STAMBPL1: variants seen among roughly 807,000 people sequenced by gnomAD.
STAMBPL1 encodes the protein STAM binding protein like 1, also known as AMSH-like protease.
STAMBPL1 carries 44 observed loss-of-function variants against 52.9 expected under a neutral mutation model. The observed-to-expected ratio is 0.83, with a 90% CI of 0.65 to 1.07. The LOEUF (loss-of-function observed/expected upper bound fraction) is 1.07. STAMBPL1 is among the 50% of genes least tolerant of loss of function. The probability of loss-of-function intolerance (pLI) is 0.00; values close to 1 mark genes in which losing one functional copy is unlikely to be tolerated. For synonymous variants in STAMBPL1, 164 were observed against 177.3 expected (o/e 0.92, Z 0.60); for missense variants, 511 against 520.8 (o/e 0.98, Z 0.18).
intron 3 of STAMBPL1, among the ~76,000 whole-genome samples, chr10:88,906,923 C>A (rs569876536): frequency 6.6e-6 from 1 of 152,162 alleles, no homozygotes; most frequent in Non-Finnish European, 1.5e-5. Context: ...TTATGCAATA[C>A]ATTGTTATTA....
intron 1 of STAMBPL1, among the ~76,000 whole-genome samples, chr10:88,886,233 T>G (rs1331108102): frequency 6.6e-6 from 1 of 152,234 alleles, no homozygotes; most frequent in African/African-American, 2.4e-5. Flanking sequence ...ATAGATTTAC[T>G]TTGGAGATGG....
At chr10:88,901,490 T>C (rs1407112889) in intron 1 of STAMBPL1, 166 bp from the exon 2 acceptor site, 1 of 400,808 alleles carries the variant, frequency 2.5e-6, no homozygotes, top group African/African-American at 2.1e-5. Flanking sequence ...ACTTGCAGTT[T>C]TGTATTTTCA....
At chr10:88,909,940 T>C (rs1845175044) in intron 4 of STAMBPL1, among the ~76,000 whole-genome samples, 1 of 152,132 alleles carries the variant, frequency 6.6e-6, no homozygotes. Context: ...TGAAGTATCA[T>C]TTATTATCAT....
Position 88,923,333 on chromosome 10 carries a change from A to AT in STAMBPL1, c.*113dup, listed in dbSNP as rs1845563084. On this transcript the variant is annotated 3_prime_UTR_variant, in exon 11 of 11. Transcript: ENST00000371926. Reference sequence around the variant, plus strand: ...AATGACTGATATTTTATATTTATACATTTTAGATGACAAAGCTTGATATTT... The same window carrying AT: ...AATGACTGATATTTTATATTTATACATTTTTAGATGACAAAGCTTGATATTT... 7.0e-7 allele frequency: 1 copy of AT among 1,421,930 alleles called. No homozygotes were observed. The highest frequency in any genetic ancestry group is 9.2e-7 in the Non-Finnish European group (1 of 1,091,092). 88.1% of individuals were successfully genotyped at this position (1,421,930 alleles called of 1,614,324 possible). A position where few individuals can be genotyped will look rare whatever the true frequency, so the allele number is the denominator to read the frequency against.
chr10:88,910,317 G>A (rs1008159501), intron 4 of STAMBPL1, among the ~76,000 whole-genome samples: 1 of 152,050 alleles, frequency 6.6e-6, no homozygotes, highest in African/African-American at 2.4e-5. Context: ...AAAAGAAGAG[G>A]TAGTTGGACT....
chr10:88,896,248 T>C (rs1436446938), intron 1 of STAMBPL1, among the ~76,000 whole-genome samples: 4 of 152,240 alleles, frequency 2.6e-5, no homozygotes, highest in Non-Finnish European at 5.9e-5. Context: ...CAAATCAATG[T>C]AATCTTTGCT....
intron 1 of STAMBPL1, chr10:88,882,681 C>G (rs532744337): frequency 8.1e-4 from 124 of 152,244 alleles, no homozygotes; most frequent in African/African-American, 2.9e-3. Flanking sequence ...GTGATTCTGT[C>G]TGCTACTATC....
chr10:88,905,507 C>G lies in STAMBPL1; in HGVS notation c.95C>G (p.Ala32Gly), dbSNP rs1264872565. ...CTAAGCCCAGAAGAGCGAGTCCGTG[C>G]CCTAAGCAAGCTTGGTTGTAATATC... is the stretch of plus-strand genomic sequence containing the variant. ...VSLSPEERVR[A>G]LSKLGCNITI... Residue 32 changes from alanine (A) to glycine (G), a missense_variant, in exon 3 of 11, where the codon GCC becomes GGC. This residue lies in a region of STAMBPL1 where 358 missense variants were observed against 343.5 expected (regional missense o/e 1.04). Coordinates refer to ENST00000371926, the MANE Select transcript of STAMBPL1 (RefSeq NM_020799.4). The G allele has an allele frequency of 6.2e-7, 1 of 1,613,976 alleles. No individual in the cohort carries two copies. The highest frequency in any genetic ancestry group is 8.5e-7 in the Non-Finnish European group (1 of 1,179,994).
intron 4 of STAMBPL1, among the ~76,000 whole-genome samples, chr10:88,909,890 C>T (rs533826064): frequency 5.3e-5 from 8 of 152,202 alleles, no homozygotes; most frequent in African/African-American, 7.2e-5. Flanking sequence ...TGTGAGCCAC[C>T]GCACCCAGCC....
intron 1 of STAMBPL1, among the ~76,000 whole-genome samples, chr10:88,900,045 A>G (rs535467519): frequency 2.6e-5 from 4 of 152,274 alleles, no homozygotes; most frequent in Middle Eastern, 6.8e-3. Flanking sequence ...GTGATGAACC[A>G]TGTTTTTTCT....
rs371730681 is a variant in STAMBPL1, at chr10:88,913,220, C to T, written c.540C>T (p.Phe180=). The change falls in exon 6 of 11, where the codon TTC becomes TTT. Residue 180 remains phenylalanine (F), a synonymous_variant. Coordinates refer to ENST00000371926, the MANE Select transcript of STAMBPL1 (RefSeq NM_020799.4). The part of the protein sequence containing the change: ...QQLESEQFLF[F]EDQLKKQELA... ...TAGAATCGGAGCAGTTTCTGTTTTT[C>T]GAAGATCAACTCAAGAAGCAAGAGT... 14 of 1,613,680 alleles carry T rather than the reference C, an allele frequency of 8.7e-6. No individual in the cohort carries two copies. Among genetic ancestry groups the T allele is most frequent in the African/African-American group, 6.7e-5 (5 of 74,882 alleles).
chr10:88,887,356 A>G (rs1330932873), intron 1 of STAMBPL1, among the ~76,000 whole-genome samples: 1 of 152,192 alleles, frequency 6.6e-6, no homozygotes, highest in Non-Finnish European at 1.5e-5. Context: ...AAGAAATATA[A>G]CTATCATATT....
intron 2 of STAMBPL1, among the ~76,000 whole-genome samples, chr10:88,904,423 C>T (rs1435066836): frequency 6.6e-6 from 1 of 152,200 alleles, no homozygotes; most frequent in East Asian, 1.9e-4. Context: ...TGCTTTGAAA[C>T]ATGCTGGTCT....
At chr10:88,912,797 T>C in intron 5 of STAMBPL1, 1 of 272,708 alleles carries the variant, frequency 3.7e-6, no homozygotes, top group Non-Finnish European at 6.9e-6. Context: ...CTTGTTGGTC[T>C]GACTGAGCAA....
intron 3 of STAMBPL1, among the ~76,000 whole-genome samples, chr10:88,907,762 C>T (rs1201967962): frequency 1.3e-5 from 2 of 152,320 alleles, no homozygotes; most frequent in Admixed American, 1.3e-4. Context: ...TAGCTAACAA[C>T]TTTTAAAGCT....
At chr10:88,910,194 G>T (rs529150043) in intron 4 of STAMBPL1, among the ~76,000 whole-genome samples, 1 of 152,206 alleles carries the variant, frequency 6.6e-6, no homozygotes, top group East Asian at 1.9e-4. Flanking sequence ...GAAATTTGGT[G>T]AAAGAGCTAG....
intron 1 of STAMBPL1, among the ~76,000 whole-genome samples, chr10:88,891,453 A>G (rs1844681034): frequency 6.6e-6 from 1 of 152,218 alleles, no homozygotes; most frequent in African/African-American, 2.4e-5. Context: ...AGGGAAAAAA[A>G]TCTTCAAATG....
intron 10 of STAMBPL1, among the ~76,000 whole-genome samples, chr10:88,922,924 C>T (rs1406400134): frequency 1.3e-5 from 2 of 151,780 alleles, no homozygotes; most frequent in East Asian, 3.9e-4. Context: ...GTGGCTATAA[C>T]ATCAGAGAAC....
intron 1 of STAMBPL1, among the ~76,000 whole-genome samples, chr10:88,884,390 C>G (rs986880320): frequency 1.3e-5 from 2 of 152,032 alleles, no homozygotes; most frequent in African/African-American, 4.8e-5. Flanking sequence ...AGGTGGTAGC[C>G]AATTGTAGGT....
Sources: allele counts gnomAD v4.1 joint callset (sites outside exome capture counted in the v4.1 genomes callset), GRCh38; gene constraint gnomAD v4.1.1; regional missense constraint gnomAD v4.1.1; transcripts MANE v1.5; gene names NCBI Gene and HGNC (gene_info 2026-07-23, HGNC 2026-07-21).